The following ADGRE2 variants were observed in gnomAD, a reference collection of about 807,000 sequenced individuals.
ADGRE2 encodes the protein CD97 antigen.
In ADGRE2, 83 loss-of-function variants were observed where a neutral mutation model predicts 100.8. That is an observed-to-expected ratio of 0.82 (90% confidence interval 0.69 to 0.99). The LOEUF is 0.99. Among genes scored for constraint, ADGRE2 ranks in the 50% least tolerant of loss-of-function variants. The probability of loss-of-function intolerance (pLI) is 0.00; values close to 1 mark genes in which losing one functional copy is unlikely to be tolerated. For synonymous variants in ADGRE2, 355 were observed against 413.0 expected (o/e 0.86, Z 1.70); for missense variants, 814 against 1,035.7 (o/e 0.79, Z 2.94).
intron 11 of ADGRE2, among the ~76,000 whole-genome samples, chr19:14,761,179 G>A (rs1006825051): frequency 1.3e-5 from 2 of 152,166 alleles, no homozygotes; most frequent in African/African-American, 4.8e-5. Flanking sequence ...CGAGGCAGGC[G>A]GATCACGAGG....
chr19:14,726,597 C>T, the ADGRE2 span, among the ~76,000 whole-genome samples: 3 of 152,220 alleles, frequency 2.0e-5, no homozygotes, highest in African/African-American at 7.2e-5. Flanking sequence ...AGCCGTGCCT[C>T]TCCTTGAACA....
At chr19:14,764,676 G>C (rs919946596) in intron 10 of ADGRE2, 66 bp from the exon 11 acceptor site, 6 of 1,482,368 alleles carry the variant, frequency 4.0e-6, no homozygotes, top group Middle Eastern at 2.5e-4. Context: ...GACTCCAACC[G>C]CTCAGCCCCA....
chr19:14,759,815 A>ATTTTTTT, intron 11 of ADGRE2, among the ~76,000 whole-genome samples: 1 of 95,534 alleles, frequency 1.0e-5, no homozygotes. Flanking sequence ...TATTAAGCAG[A>ATTTTTTT]TTTTTTTTTT....
At chr19:14,742,147 C>T (rs937085878) in intron 20 of ADGRE2, 6 of 398,274 alleles carry the variant, frequency 1.5e-5, no homozygotes, top group African/African-American at 6.2e-5. Flanking sequence ...GTCAAGGAGT[C>T]GCTCAAATGT....
Position 14,765,324 on chromosome 19 carries a change from A to G in ADGRE2, c.902T>C (p.Ile301Thr). Residue 301 changes from isoleucine to threonine, a missense_variant, in exon 10 of 21, where the codon ATC becomes ACC. Transcript: ENST00000315576. The part of the protein sequence containing the change: ...DYKPGLANNT[I>T]QSILQALDEL... The stretch of plus-strand genomic sequence containing the variant: ...TGCCCTGGGTCCTGTCCTTACCTGG[A>G]TGGTGTTATTGGCCAAGCCTGGCTT... 6.2e-7 allele frequency: 1 copy of G among 1,613,918 alleles called. No individual in the cohort carries two copies. The highest frequency in any genetic ancestry group is 8.5e-7 in the Non-Finnish European group (1 of 1,179,982).
chr19:14,776,580 T>C, intron 2 of ADGRE2, 146 bp downstream of exon 2: 1 of 922,110 alleles, frequency 1.1e-6, no homozygotes, highest in Middle Eastern at 2.4e-4. Context: ...TCTCGCCGTG[T>C]GCCCGTGAGT....
rs747903244 is a variant in ADGRE2 at position 14,774,281 on chromosome 19, C to T, written c.57G>A (p.Pro19=). ...FLAFCVWLTL[P]GAETQDSRGC... ...CCCTGGAGTCCTGGGTTTCAGCTCC[C>T]GGCAGAGTCAGCCAGACACAGAATG... Residue 19 remains proline, a synonymous_variant, in exon 3 of 21, where the codon CCG becomes CCA. Coordinates refer to ENST00000315576, the MANE Select transcript of ADGRE2 (RefSeq NM_013447.4). The T allele has an allele frequency of 1.0e-5, 16 of 1,584,980 alleles. No individual in the cohort carries two copies. Among genetic ancestry groups the T allele is most frequent in the African/African-American group, 6.8e-5 (5 of 74,070 alleles).
chr19:14,732,480 G>C lies in ADGRE2; in HGVS notation c.*3756C>G, dbSNP rs757298. On this transcript the variant is annotated 3_prime_UTR_variant, in exon 21 of 21. Transcript: ENST00000315576. ...CAATATCTCTGAGGTGTGTCTGTAT[G>C]TGCTCATCACATATGTGATGAATGG... 0.22 allele frequency: 34,025 copies of C among 152,040 alleles called. 4,035 individuals carry two copies. Among genetic ancestry groups the C allele is most frequent in the Non-Finnish European group, 0.26 (17,664 of 67,974 alleles). 9.4% of individuals were successfully genotyped at this position (152,040 alleles called of 1,614,324 possible).
At chr19:14,773,080 C>CAAAAAAAAAAAAAAAAAAAAAAAAAAA (rs35688921) in intron 4 of ADGRE2, among the ~76,000 whole-genome samples, 1 of 45,846 alleles carries the variant, frequency 2.2e-5, no homozygotes, top group African/African-American at 1.0e-4. Context: ...GACTCCATCT[C>CAAAAAAAAAAAAAAAAAAAAAAAAAAA]AAAAAAAAAA....
chr19:14,731,254 T>G, downstream of ADGRE2: 1 of 1,437,464 alleles, frequency 7.0e-7, no homozygotes, highest in Non-Finnish European at 9.5e-7. Context: ...CCTCTGGATA[T>G]CAAAGGATCA....
intron 14 of ADGRE2, 42 bp from the exon 15 acceptor site, chr19:14,752,568 C>A (rs1388225160): frequency 6.3e-7 from 1 of 1,599,884 alleles, no homozygotes; most frequent in Non-Finnish European, 8.5e-7. Flanking sequence ...TGCTTTCCTG[C>A]TCTGGGGTAA....
intron 20 of ADGRE2, chr19:14,742,019 G>A (rs1440941150): frequency 5.0e-6 from 2 of 398,396 alleles, no homozygotes; most frequent in Non-Finnish European, 8.8e-6. Flanking sequence ...GTTGTCCCGG[G>A]CTCAAGTGAT....
At chr19:14,759,503 A>ATATATTTTTT (rs60789454) in intron 11 of ADGRE2, among the ~76,000 whole-genome samples, 2 of 133,380 alleles carry the variant, frequency 1.5e-5, no homozygotes, top group African/African-American at 5.9e-5. Context: ...ATATATATAT[A>ATATATTTTTT]TTTTTTTTTT....
intron 18 of ADGRE2, among the ~76,000 whole-genome samples, chr19:14,744,151 G>A (rs2043013760): frequency 2.0e-5 from 3 of 151,904 alleles, no homozygotes; most frequent in Non-Finnish European, 4.4e-5. Context: ...GGCTGGGGCA[G>A]TAGAATTGCT....
At chr19:14,774,535 G>T (rs930339212) in intron 2 of ADGRE2, among the ~76,000 whole-genome samples, 2 of 151,168 alleles carry the variant, frequency 1.3e-5, no homozygotes, top group African/African-American at 4.9e-5. Context: ...TTGACACAGG[G>T]TCTCTCTGGG....
chr19:14,773,308 T>TCCTC (rs59965494), intron 4 of ADGRE2, among the ~76,000 whole-genome samples: 3,304 of 145,612 alleles, frequency 0.023, 53 homozygotes, highest in South Asian at 0.055. Context: ...CTTCCTTCTT[T>TCCTC]CCTCCCTCCC....
chr19:14,727,854 T>C (rs2042643361), downstream of ADGRE2, among the ~76,000 whole-genome samples: 1 of 152,226 alleles, frequency 6.6e-6, no homozygotes, highest in African/African-American at 2.4e-5. Context: ...TATACATGCA[T>C]GCAGGTACAC....
chr19:14,725,225 A>C, the ADGRE2 span, among the ~76,000 whole-genome samples: 2 of 152,138 alleles, frequency 1.3e-5, no homozygotes, highest in African/African-American at 4.8e-5. Context: ...GTGAGAACTG[A>C]CAGCACCATG....
chr19:14,775,687 C>A (rs2005422), intron 2 of ADGRE2, among the ~76,000 whole-genome samples: 37,999 of 151,370 alleles, frequency 0.25, 4,980 homozygotes, highest in Admixed American at 0.33. Context: ...GGTGAAACCC[C>A]GTCTCTACTA....
Sources: allele counts gnomAD v4.1 joint callset (sites outside exome capture counted in the v4.1 genomes callset), GRCh38; gene constraint gnomAD v4.1.1; transcripts MANE v1.5; gene names NCBI Gene and HGNC (gene_info 2026-07-23, HGNC 2026-07-21).